The following DLGAP4 variants were observed in gnomAD, a reference collection of about 807,000 sequenced individuals.
DLGAP4 encodes the protein disks large-associated protein 4.
DLGAP4 carries 18 observed loss-of-function variants against 86.9 expected under a neutral mutation model. The ratio of observed to expected loss-of-function variants is 0.21; its 90% CI spans 0.14 to 0.31. The LOEUF (loss-of-function observed/expected upper bound fraction) is 0.31, where lower values mean the gene tolerates loss of function less well. Among genes scored for constraint, DLGAP4 ranks in the 10% least tolerant of loss-of-function variants. The pLI, the probability that DLGAP4 is intolerant of heterozygous loss-of-function variation, is 1.00. For missense variants in DLGAP4, 1,085 were observed against 1,362.6 expected (o/e 0.80, Z 3.21); for synonymous variants, 548 against 574.3 (o/e 0.95, Z 0.65).
intron 10 of DLGAP4, among the ~76,000 whole-genome samples, chr20:36,523,568 G>T (rs1214821404): frequency 6.6e-6 from 1 of 152,158 alleles, no homozygotes; most frequent in African/African-American, 2.4e-5. Context: ...CCTGTTCTTT[G>T]AAAGTTTTTA....
At chr20:36,452,797 A>T (rs1600550200) in intron 7 of DLGAP4, among the ~76,000 whole-genome samples, 1 of 147,810 alleles carries the variant, frequency 6.8e-6, no homozygotes, top group Admixed American at 6.7e-5. Flanking sequence ...GGCGTGAGCC[A>T]CTGCGCTTGG....
At chr20:36,420,672 TATAAAAA>T (rs1414607916) in intron 2 of DLGAP4, among the ~76,000 whole-genome samples, 3 of 151,814 alleles carry the variant, frequency 2.0e-5, no homozygotes, top group Non-Finnish European at 4.4e-5. Flanking sequence ...ACCTTGTCTC[TATAAAAA>T]ACACAAAAAT....
chr20:36,325,857 A>G (rs2065211193), intron 1 of DLGAP4, among the ~76,000 whole-genome samples: 1 of 151,830 alleles, frequency 6.6e-6, no homozygotes, highest in Admixed American at 6.6e-5. Context: ...AGCTGGGATT[A>G]TAGGCACGCA....
At chr20:36,377,114 G>T (rs940755122) in intron 2 of DLGAP4, among the ~76,000 whole-genome samples, 4 of 152,222 alleles carry the variant, frequency 2.6e-5, no homozygotes, top group African/African-American at 9.6e-5. Context: ...AGGAGGCAGG[G>T]TCTGGGTCTG....
rs751294648 is a variant in DLGAP4 at position 36,431,786 on chromosome 20, G to A, written c.69G>A (p.Leu23=). 6 of 1,613,316 alleles carry A rather than the reference G, an allele frequency of 3.7e-6. No individual in the cohort carries two copies. The highest frequency in any genetic ancestry group is 1.7e-5 in the Admixed American group (1 of 59,984). Residue 23 remains leucine (L), a synonymous_variant, in exon 3 of 13, where the codon CTG becomes CTA. Transcript: ENST00000339266. The surrounding 1 kb of genome is among the most constrained non-coding windows in gnomAD (Gnocchi z 5.1). ...SDSLDPPHEP[L]FAGTDRNPYL... Reference sequence around the variant, plus strand: ...GCCTAGACCCACCCCACGAGCCCCTGTTTGCAGGGACCGACCGCAACCCCT... The same window carrying A: ...GCCTAGACCCACCCCACGAGCCCCTATTTGCAGGGACCGACCGCAACCCCT...
chr20:36,420,282 C>T (rs1025362514), intron 2 of DLGAP4, among the ~76,000 whole-genome samples: 4 of 152,126 alleles, frequency 2.6e-5, no homozygotes, highest in Admixed American at 1.3e-4. Context: ...CAGGCTGCTT[C>T]GGGCATACAT....
intron 9 of DLGAP4, 49 bp downstream of exon 9, chr20:36,499,725 C>T: frequency 6.7e-7 from 1 of 1,493,394 alleles, no homozygotes; most frequent in East Asian, 2.3e-5. Flanking sequence ...CTCTCCCTCC[C>T]TCCGCTCTCA....
chr20:36,521,649 G>A, intron 10 of DLGAP4, among the ~76,000 whole-genome samples: 1 of 152,186 alleles, frequency 6.6e-6, no homozygotes, highest in East Asian at 1.9e-4. Context: ...CAAGTCCTCA[G>A]CAGGGTTGAA....
intron 7 of DLGAP4, chr20:36,462,161 T>C (rs2034114231): frequency 9.6e-7 from 1 of 1,041,756 alleles, no homozygotes; most frequent in Non-Finnish European, 1.2e-6. Flanking sequence ...CCATATCCAC[T>C]GGGAGCTCCT....
chr20:36,325,547 A>C (rs558597077), intron 1 of DLGAP4, among the ~76,000 whole-genome samples: 2 of 152,172 alleles, frequency 1.3e-5, no homozygotes, highest in Non-Finnish European at 2.9e-5. Flanking sequence ...AGCTATAGAC[A>C]TCTCTGACTA....
intron 2 of DLGAP4, among the ~76,000 whole-genome samples, chr20:36,385,429 A>G (rs1010840820): frequency 6.6e-6 from 1 of 152,192 alleles, no homozygotes; most frequent in African/African-American, 2.4e-5. Flanking sequence ...AATAAGACCC[A>G]GAGGAGGGAA....
chr20:36,398,061 C>T (rs934413623), intron 2 of DLGAP4, among the ~76,000 whole-genome samples: 4 of 152,160 alleles, frequency 2.6e-5, no homozygotes, highest in African/African-American at 4.8e-5. Flanking sequence ...GCAGAGGTTG[C>T]GGTGAGCTGA....
rs2037910742 is a variant in DLGAP4, at chr20:36,528,531, C to T, written c.*1500C>T. On this transcript the variant is annotated 3_prime_UTR_variant, in exon 13 of 13. Coordinates refer to ENST00000339266, the MANE Select transcript of DLGAP4 (RefSeq NM_001365621.2). ...GCCGTCTGTGACCTTGGGCAAGTCACTTGACCTCTGTGTGCCTCAACTTCC... is the reference window on the plus strand; with the variant it reads ...GCCGTCTGTGACCTTGGGCAAGTCATTTGACCTCTGTGTGCCTCAACTTCC... 1 of 152,434 alleles carries T rather than the reference C, an allele frequency of 6.6e-6. No individual in the cohort carries two copies. The highest frequency in any genetic ancestry group is 1.5e-5 in the Non-Finnish European group (1 of 68,090). 9.4% of individuals were successfully genotyped at this position (152,434 alleles called of 1,614,324 possible).
chr20:36,317,508 C>T (rs2065121473), intron 1 of DLGAP4, among the ~76,000 whole-genome samples: 2 of 136,600 alleles, frequency 1.5e-5, no homozygotes, highest in African/African-American at 5.7e-5. Context: ...GGCCGGAGTA[C>T]AGTGACATGA....
rs150180294 is a variant in DLGAP4 at position 36,349,331 on chromosome 20, T to C, written c.-303-17714T>C. ...TACTCGGGAGGCTGAGCCAGGAGAA[T>C]GGCATGAACCCGGGAGGCGGAGCTT... On this transcript the variant is annotated intron_variant, in intron 1 of 12. Transcript: ENST00000339266. Among the ~76,000 whole-genome samples, 7 of 148,036 alleles carry C rather than the reference T, an allele frequency of 4.7e-5. No individual in the cohort carries two copies. In the East Asian group the frequency reaches 1.2e-3, roughly 25 times the overall value.
intron 2 of DLGAP4, among the ~76,000 whole-genome samples, chr20:36,377,428 T>C (rs1321895852): frequency 6.6e-6 from 1 of 152,068 alleles, no homozygotes; most frequent in Non-Finnish European, 1.5e-5. Context: ...CATCTTAGAG[T>C]TGGTTGCAAA....
chr20:36,493,572 G>C (rs1282842627), intron 7 of DLGAP4, among the ~76,000 whole-genome samples: 1 of 152,144 alleles, frequency 6.6e-6, no homozygotes, highest in Non-Finnish European at 1.5e-5. Flanking sequence ...TCAGATTTTG[G>C]TTTGTTGTGC....
intron 2 of DLGAP4, among the ~76,000 whole-genome samples, chr20:36,372,138 G>A (rs1418882637): frequency 1.3e-5 from 2 of 152,172 alleles, no homozygotes; most frequent in African/African-American, 4.8e-5. Context: ...AATAGCGTCC[G>A]AGGGTAGGTG....
chr20:36,487,677 C>T (rs1362064610), intron 7 of DLGAP4, among the ~76,000 whole-genome samples: 1 of 152,220 alleles, frequency 6.6e-6, no homozygotes, highest in Admixed American at 6.5e-5. Context: ...CACTAAGCGA[C>T]TCTCACCACC....
Sources: gnomAD v4.1 joint callset for allele counts (sites outside exome capture counted in the v4.1 genomes callset) on GRCh38, gnomAD v4.1.1 for gene constraint, Gnocchi (gnomAD v3.1) non-coding constraint, MANE v1.5 for transcripts, NCBI Gene and HGNC (gene_info 2026-07-23, HGNC 2026-07-21) for gene names.